GRIA3: variants seen among roughly 807,000 people sequenced by gnomAD.
GRIA3 encodes the protein glutamate receptor 3.
A neutral mutation model predicts 63.0 loss-of-function variants in GRIA3; 3 were observed. That is an observed-to-expected ratio of 0.05 (90% CI 0.02 to 0.12). The LOEUF (loss-of-function observed/expected upper bound fraction) is 0.12. GRIA3 is among the 10% of genes least tolerant of loss of function. The pLI, the probability that GRIA3 is intolerant of heterozygous loss-of-function variation, is 1.00. For synonymous variants in GRIA3, 274 were observed against 257.9 expected, an observed-to-expected ratio of 1.06 and a Z score of -0.60; for missense variants, 347 against 700.9, an observed-to-expected ratio of 0.50 and a Z score of 5.70.
chrX:123,289,417 AT>A (rs1298113106), intron 3 of GRIA3, among the ~76,000 whole-genome samples: 2 of 96,367 alleles, frequency 2.1e-5, no homozygotes, highest in East Asian at 7.4e-4. Flanking sequence ...TTAAAGTATA[AT>A]TTAAAAAAAA....
chrX:123,458,977 A>G lies in GRIA3; in HGVS notation c.2077-5888A>G, dbSNP rs1389937702. ...TAAATATGGCACTGAAGTAATTTAT[A>G]ATACCATTAAAATAAATTCTGTCAG... On this transcript the variant is annotated intron_variant, in intron 12 of 15. Transcript: ENST00000620443. 2.7e-5 allele frequency among the ~76,000 whole-genome samples: 3 copies of G among 111,995 alleles called. No homozygotes were observed. In the East Asian group the frequency reaches 8.4e-4, roughly 31 times the overall value.
At chrX:123,415,193 G>A (rs1368373684) in intron 10 of GRIA3, among the ~76,000 whole-genome samples, 3 of 111,821 alleles carry the variant, frequency 2.7e-5, no homozygotes, top group Non-Finnish European at 5.6e-5. Flanking sequence ...ATTTTTTCAT[G>A]TGTCTGTTGA....
intron 11 of GRIA3, among the ~76,000 whole-genome samples, chrX:123,419,788 C>A (rs1198255839): frequency 1.8e-5 from 2 of 111,287 alleles, no homozygotes; most frequent in Non-Finnish European, 3.8e-5. Flanking sequence ...GCCTCACTTG[C>A]CTCATCCTAG....
chrX:123,320,563 C>T lies in GRIA3; in HGVS notation c.509-5463C>T, dbSNP rs951567487. 6.0e-4 allele frequency among the ~76,000 whole-genome samples: 67 copies of T among 111,002 alleles called. 1 individual carries two copies. The highest frequency in any genetic ancestry group is 9.4e-5 in the Non-Finnish European group (5 of 52,983). On this transcript the variant is annotated intron_variant, in intron 3 of 15. Transcript: ENST00000620443. ...TCAAGGTACTGGGGAGACAGGGAAGCGAACATCAGGATGTTGTGTGACATC... is the reference window on the plus strand; with the variant it reads ...TCAAGGTACTGGGGAGACAGGGAAGTGAACATCAGGATGTTGTGTGACATC...
intron 2 of GRIA3, among the ~76,000 whole-genome samples, chrX:123,234,536 T>C (rs940263555): frequency 3.5e-4 from 39 of 111,739 alleles, no homozygotes; most frequent in African/African-American, 9.4e-4. Flanking sequence ...GGAAATTACA[T>C]TCCAAGCAGG....
intron 4 of GRIA3, among the ~76,000 whole-genome samples, chrX:123,330,538 C>A (rs2044934315): frequency 8.9e-6 from 1 of 112,001 alleles, no homozygotes; most frequent in Non-Finnish European, 1.9e-5. Context: ...AGAAGAGCAG[C>A]AAAAATATGA....
At chrX:123,307,351 G>T (rs911910379) in intron 3 of GRIA3, among the ~76,000 whole-genome samples, 1 of 112,021 alleles carries the variant, frequency 8.9e-6, no homozygotes, top group African/African-American at 3.2e-5. Flanking sequence ...ATGATAATAG[G>T]AGATAACATT....
intron 12 of GRIA3, among the ~76,000 whole-genome samples, chrX:123,458,512 C>T (rs1297104637): frequency 9.0e-6 from 1 of 111,234 alleles, no homozygotes; most frequent in Non-Finnish European, 1.9e-5. Flanking sequence ...TGCCTCTTCA[C>T]CAGAAGCATT....
At chrX:123,397,718 A>G (rs2045422026) in intron 6 of GRIA3, among the ~76,000 whole-genome samples, 1 of 112,428 alleles carries the variant, frequency 8.9e-6, no homozygotes, top group Non-Finnish European at 1.9e-5. Context: ...GACATACTGT[A>G]CTAGAGAGAG....
chrX:123,377,129 G>A (rs1201979798), intron 5 of GRIA3, among the ~76,000 whole-genome samples: 1 of 109,568 alleles, frequency 9.1e-6, no homozygotes, highest in Non-Finnish European at 1.9e-5. Context: ...GTAGAGACGG[G>A]GTTTCACCGT....
At chrX:123,189,666 A>G (rs1209381091) in intron 2 of GRIA3, among the ~76,000 whole-genome samples, 1 of 112,747 alleles carries the variant, frequency 8.9e-6, no homozygotes, top group Non-Finnish European at 1.9e-5. Context: ...GAAAAGGCAA[A>G]TGTAACCTTA....
intron 3 of GRIA3, among the ~76,000 whole-genome samples, chrX:123,307,701 A>G (rs1194385532): frequency 9.0e-6 from 1 of 110,636 alleles, no homozygotes; most frequent in African/African-American, 3.3e-5. Flanking sequence ...CTACTCTAGG[A>G]TTCAGTCCAG....
At chrX:123,395,158 AAGGCC>A (rs1210956512) in intron 6 of GRIA3, 29 bp downstream of exon 6, 1 of 1,145,141 alleles carries the variant, frequency 8.7e-7, no homozygotes, top group Non-Finnish European at 1.2e-6. Flanking sequence ...TAAAAAACCT[AAGGCC>A]AGCTTTTCAA....
At chrX:123,311,385 C>T (rs952413343) in intron 3 of GRIA3, among the ~76,000 whole-genome samples, 11 of 111,613 alleles carry the variant, frequency 9.9e-5, no homozygotes, top group African/African-American at 3.6e-4. Flanking sequence ...AAGCATGTAC[C>T]AATAATAACT....
At chrX:123,486,272 C>T (rs1412277488) in intron 15 of GRIA3, among the ~76,000 whole-genome samples, 1 of 111,692 alleles carries the variant, frequency 9.0e-6, no homozygotes, top group African/African-American at 3.3e-5. Flanking sequence ...CGGCCTGGAA[C>T]ATCAAACCTG....
At chrX:123,295,131 T>G (rs997099161) in intron 3 of GRIA3, among the ~76,000 whole-genome samples, 1 of 111,707 alleles carries the variant, frequency 9.0e-6, no homozygotes, top group African/African-American at 3.2e-5. Flanking sequence ...AAATGCTGTG[T>G]TAAATAATTT....
intron 4 of GRIA3, among the ~76,000 whole-genome samples, chrX:123,343,639 CAG>C (rs1230929050): frequency 3.7e-5 from 4 of 107,375 alleles, no homozygotes; most frequent in Non-Finnish European, 3.9e-5. Flanking sequence ...CATTCAGAGA[CAG>C]AGAGAGAGAG....
chrX:123,282,291 T>A (rs2044590749), intron 3 of GRIA3, among the ~76,000 whole-genome samples: 1 of 112,269 alleles, frequency 8.9e-6, no homozygotes, highest in Non-Finnish European at 1.9e-5. Context: ...TTATACGGAC[T>A]ACCCTGTGTC....
intron 3 of GRIA3, among the ~76,000 whole-genome samples, chrX:123,256,939 G>A (rs73551717): frequency 0.022 from 2,466 of 111,570 alleles, 64 homozygotes; most frequent in African/African-American, 0.077. Flanking sequence ...CAGATTGACT[G>A]TGGGATGTGA....
Sources: gnomAD v4.1 joint callset for allele counts (sites outside exome capture counted in the v4.1 genomes callset) on GRCh38, gnomAD v4.1.1 for gene constraint, MANE v1.5 for transcripts, NCBI Gene and HGNC (gene_info 2026-07-23, HGNC 2026-07-21) for gene names.